RBM39: variants seen among roughly 807,000 people sequenced by gnomAD.
The protein encoded by RBM39 is RNA-binding protein 39.
Under a neutral mutation model 79.6 loss-of-function variants are expected in RBM39, and 12 were observed. That is an observed-to-expected ratio of 0.15 (90% CI 0.10 to 0.24). The LOEUF is 0.24. RBM39 is among the 10% of genes least tolerant of loss of function. The probability of loss-of-function intolerance (pLI) is 1.00; values close to 1 mark genes in which losing one functional copy is unlikely to be tolerated. For missense variants in RBM39, 243 were observed against 653.4 expected, an observed-to-expected ratio of 0.37 and a Z score of 6.85; for synonymous variants, 185 against 208.4, an observed-to-expected ratio of 0.89 and a Z score of 0.97.
At chr20:35,741,075 C>T (rs1171245379) in intron 1 of RBM39, among the ~76,000 whole-genome samples, 188 bp from the exon 2 acceptor site, 2 of 101,984 alleles carry the variant, frequency 2.0e-5, no homozygotes, top group Non-Finnish European at 3.6e-5. Context: ...GCTCTAGTTG[C>T]CCAGGCTGAA....
At chr20:35,724,901 C>T (rs372431047) in intron 7 of RBM39, 137 bp downstream of exon 7, 8 of 997,522 alleles carry the variant, frequency 8.0e-6, no homozygotes, top group African/African-American at 4.9e-5. Context: ...CATTTATCAA[C>T]TCCAATACTA....
chr20:35,738,262 C>T (rs563452578), intron 3 of RBM39, among the ~76,000 whole-genome samples: 110 of 151,994 alleles, frequency 7.2e-4, no homozygotes, highest in African/African-American at 2.5e-3. Context: ...AGCAAGACTC[C>T]GACTCACAAG....
At chr20:35,736,656 T>G (rs1284661429) in intron 3 of RBM39, 1 of 458,426 alleles carries the variant, frequency 2.2e-6, no homozygotes, top group Non-Finnish European at 4.5e-6. Flanking sequence ...TATGACAGAT[T>G]TTTATGTTTG....
chr20:35,716,565 G>A (rs2037159617), intron 10 of RBM39, among the ~76,000 whole-genome samples, 175 bp downstream of exon 10: 2 of 151,938 alleles, frequency 1.3e-5, no homozygotes, highest in African/African-American at 4.8e-5. Context: ...ACCCTTTGTT[G>A]TGAAAAAAAC....
intron 8 of RBM39, among the ~76,000 whole-genome samples, chr20:35,723,104 C>A (rs1243561365): frequency 6.6e-6 from 1 of 151,958 alleles, no homozygotes; most frequent in Non-Finnish European, 1.5e-5. Context: ...CTAAAATACT[C>A]TTGAGATTGG....
intron 3 of RBM39, among the ~76,000 whole-genome samples, chr20:35,733,884 A>G (rs1363740014): frequency 3.9e-5 from 6 of 152,186 alleles, no homozygotes; most frequent in Non-Finnish European, 8.8e-5. Context: ...TATACCACCC[A>G]TTCATAATTA....
chr20:35,720,353 C>T (rs985225694), intron 9 of RBM39, among the ~76,000 whole-genome samples: 1 of 152,144 alleles, frequency 6.6e-6, no homozygotes, highest in Non-Finnish European at 1.5e-5. Context: ...GCCTGTGAAG[C>T]AGATCAAGTT....
intron 4 of RBM39, among the ~76,000 whole-genome samples, chr20:35,731,129 C>G (rs1351547807): frequency 6.6e-6 from 1 of 152,104 alleles, no homozygotes; most frequent in Non-Finnish European, 1.5e-5. Flanking sequence ...TCTTTGAATT[C>G]CATCCTTAAC....
At chr20:35,717,670 A>C (rs772290648) in intron 9 of RBM39, among the ~76,000 whole-genome samples, 10 of 152,302 alleles carry the variant, frequency 6.6e-5, no homozygotes, top group Non-Finnish European at 2.9e-5. Flanking sequence ...TTAGCTGTCC[A>C]TTTAAAAAAA....
chr20:35,727,306 C>T (rs915460658), intron 6 of RBM39, among the ~76,000 whole-genome samples: 10 of 151,364 alleles, frequency 6.6e-5, no homozygotes, highest in Admixed American at 5.3e-4. Flanking sequence ...GACATGATTG[C>T]GTCACTGCAC....
chr20:35,717,788 A>G (rs2037338875), intron 9 of RBM39, among the ~76,000 whole-genome samples: 1 of 152,150 alleles, frequency 6.6e-6, no homozygotes, highest in Non-Finnish European at 1.5e-5. Context: ...TGGACGCTAC[A>G]CAGTGAGCTT....
Position 35,717,316 on chromosome 20 carries a change from C to G in RBM39, c.826-511G>C, listed in dbSNP as rs375176061. Among the ~76,000 whole-genome samples the G allele has an allele frequency of 7.3e-5, 11 of 151,416 alleles. No individual in the cohort carries two copies. In the East Asian group the frequency reaches 2.1e-3, roughly 29 times the overall value. ...CAAAAACAAAAAAAAAAAACAAACT[C>G]TAGAAACTTCCCAAGCGAGAAATTA... On this transcript the variant is annotated intron_variant, in intron 9 of 16. Coordinates refer to ENST00000253363, the MANE Select transcript of RBM39 (RefSeq NM_184234.3).
intron 13 of RBM39, 182 bp from the exon 14 acceptor site, chr20:35,707,383 C>G: frequency 2.5e-6 from 1 of 395,636 alleles, no homozygotes; most frequent in Non-Finnish European, 4.5e-6. Context: ...TGCCAGAAAA[C>G]TGAGGTAACC....
At chr20:35,738,277 GA>G (rs930287839) in intron 3 of RBM39, among the ~76,000 whole-genome samples, 33 of 145,524 alleles carry the variant, frequency 2.3e-4, no homozygotes, top group East Asian at 1.2e-3. Flanking sequence ...CACAAGAAAA[GA>G]AAAAAAAAAA....
chr20:35,734,965 C>T (rs1053282234), intron 3 of RBM39: 2 of 1,608,172 alleles, frequency 1.2e-6, no homozygotes, highest in African/African-American at 2.7e-5. Flanking sequence ...GTAAATGGTC[C>T]ACTGGGCTGG....
At chr20:35,714,551 C>T (rs1030797062) in intron 10 of RBM39, among the ~76,000 whole-genome samples, 162 bp from the exon 11 acceptor site, 4 of 146,408 alleles carry the variant, frequency 2.7e-5, no homozygotes, top group East Asian at 3.9e-4. Flanking sequence ...TACATGATGA[C>T]GACGCTAGCT....
At chr20:35,718,391 A>T (rs1206007619) in intron 9 of RBM39, among the ~76,000 whole-genome samples, 1 of 152,122 alleles carries the variant, frequency 6.6e-6, no homozygotes, top group Non-Finnish European at 1.5e-5. Flanking sequence ...AAAAGTAAAC[A>T]ATATAAACAT....
intron 3 of RBM39, 102 bp downstream of exon 3, chr20:35,738,866 T>C: frequency 9.8e-7 from 1 of 1,025,434 alleles, no homozygotes; most frequent in Non-Finnish European, 1.4e-6. Flanking sequence ...AAGAAAAGCT[T>C]CAGAAGAGAA....
intron 9 of RBM39, among the ~76,000 whole-genome samples, chr20:35,721,192 C>T (rs1262247242): frequency 6.6e-6 from 1 of 152,162 alleles, no homozygotes; most frequent in African/African-American, 2.4e-5. Flanking sequence ...CGGCCTCCCT[C>T]CCAAAATGCT....
Sources: allele counts gnomAD v4.1 joint callset (sites outside exome capture counted in the v4.1 genomes callset), GRCh38; gene constraint gnomAD v4.1.1; transcripts MANE v1.5; gene names NCBI Gene and HGNC (gene_info 2026-07-23, HGNC 2026-07-21).